ST6GAL1: variants seen among roughly 807,000 people sequenced by gnomAD.
ST6GAL1 encodes the protein beta-galactoside alpha-2,6-sialyltransferase 1.
In ST6GAL1, 20 loss-of-function variants were observed where a neutral mutation model predicts 38.0. The ratio of observed to expected loss-of-function variants is 0.53; its 90% CI spans 0.37 to 0.77. The LOEUF (loss-of-function observed/expected upper bound fraction) is 0.77, where lower values mean the gene tolerates loss of function less well. Ranked by LOEUF, ST6GAL1 falls within the 30% of genes least tolerant of loss-of-function variation. The pLI is 0.00. For synonymous variants in ST6GAL1, 196 were observed against 188.2 expected, an observed-to-expected ratio of 1.04 and a Z score of -0.34; for missense variants, 432 against 496.4, an observed-to-expected ratio of 0.87 and a Z score of 1.23.
intron 5 of ST6GAL1, among the ~76,000 whole-genome samples, chr3:187,059,475 A>G (rs1318441130): frequency 6.6e-6 from 1 of 152,176 alleles, no homozygotes; most frequent in Non-Finnish European, 1.5e-5. Context: ...TCCAGGAGAG[A>G]TGTTCATTTA....
intron 1 of ST6GAL1, among the ~76,000 whole-genome samples, chr3:186,955,936 G>T (rs116250250): frequency 6.6e-6 from 1 of 151,996 alleles, no homozygotes; most frequent in African/African-American, 2.4e-5. Context: ...TCATGATTTC[G>T]CTCTCTGCTT....
At chr3:186,991,732 C>A (rs1716175100) in intron 2 of ST6GAL1, among the ~76,000 whole-genome samples, 1 of 152,168 alleles carries the variant, frequency 6.6e-6, no homozygotes. Context: ...GGGGTGATCC[C>A]TATTCACCTT....
At chr3:186,979,881 C>G (rs189872382) in intron 2 of ST6GAL1, among the ~76,000 whole-genome samples, 1 of 152,156 alleles carries the variant, frequency 6.6e-6, no homozygotes, top group Non-Finnish European at 1.5e-5. Context: ...AGGGATGCAG[C>G]TTTTATAGCA....
chr3:186,950,102 A>C (rs1714526385), intron 1 of ST6GAL1, among the ~76,000 whole-genome samples: 1 of 152,070 alleles, frequency 6.6e-6, no homozygotes. Flanking sequence ...AAGGAAAGCA[A>C]GTTGCACAAG....
intron 2 of ST6GAL1, among the ~76,000 whole-genome samples, chr3:187,000,336 G>A (rs1292630790): frequency 1.3e-5 from 2 of 151,636 alleles, no homozygotes; most frequent in Non-Finnish European, 2.9e-5. Context: ...GATCACCTGA[G>A]GTTAGGAGTT....
At chr3:186,994,827 G>A (rs2108548201) in intron 2 of ST6GAL1, among the ~76,000 whole-genome samples, 1 of 151,776 alleles carries the variant, frequency 6.6e-6, no homozygotes, top group Admixed American at 6.6e-5. Flanking sequence ...TGTAATCTCA[G>A]CTACTTAGGA....
At chr3:187,024,564 C>A (rs2108568010) in intron 2 of ST6GAL1, 1 of 148,544 alleles carries the variant, frequency 6.7e-6, no homozygotes, top group Non-Finnish European at 1.5e-5. Context: ...CTGGGAGAAC[C>A]ATTGAATTTG....
intron 1 of ST6GAL1, among the ~76,000 whole-genome samples, chr3:186,946,180 C>T (rs1398133655): frequency 6.6e-6 from 1 of 151,364 alleles, no homozygotes; most frequent in Non-Finnish European, 1.5e-5. Flanking sequence ...GGCATGGTGG[C>T]GGGCGCCTGT....
chr3:187,020,639 C>T (rs1377368724), intron 2 of ST6GAL1, among the ~76,000 whole-genome samples: 1 of 152,186 alleles, frequency 6.6e-6, no homozygotes. Flanking sequence ...TACTTGCAAC[C>T]CTCTTTTCTC....
intron 2 of ST6GAL1, among the ~76,000 whole-genome samples, chr3:186,969,902 C>T (rs1715288369): frequency 6.6e-6 from 1 of 152,156 alleles, no homozygotes; most frequent in Non-Finnish European, 1.5e-5. Flanking sequence ...GTTGGAACAC[C>T]AGGATTTTGG....
intron 2 of ST6GAL1, among the ~76,000 whole-genome samples, chr3:187,016,798 G>C (rs1717130717): frequency 6.6e-6 from 1 of 152,198 alleles, no homozygotes; most frequent in South Asian, 2.1e-4. Context: ...ATTGCTCAGA[G>C]GGTAGCAGCC....
At chr3:186,932,138 TC>T (rs934276006) in intron 1 of ST6GAL1, among the ~76,000 whole-genome samples, 181 of 94,832 alleles carry the variant, frequency 1.9e-3, no homozygotes, top group Middle Eastern at 0.017. Context: ...GATTAACCTG[TC>T]CCCGGGGGGG....
At chr3:186,942,626 G>T (rs1714218268) in intron 1 of ST6GAL1, among the ~76,000 whole-genome samples, 1 of 152,148 alleles carries the variant, frequency 6.6e-6, no homozygotes, top group Admixed American at 6.5e-5. Flanking sequence ...AAGTGAAGAA[G>T]AATGTTTTGA....
At chr3:187,059,413 T>G (rs564103374) in intron 5 of ST6GAL1, among the ~76,000 whole-genome samples, 2 of 152,214 alleles carry the variant, frequency 1.3e-5, no homozygotes, top group Non-Finnish European at 2.9e-5. Context: ...GAGAGCACTT[T>G]AGGGAGCACT....
chr3:187,001,994 AAT>A (rs1455469077), intron 2 of ST6GAL1, among the ~76,000 whole-genome samples: 1 of 151,630 alleles, frequency 6.6e-6, no homozygotes, highest in Non-Finnish European at 1.5e-5. Flanking sequence ...ACAAACAAAC[AAT>A]GTTTTTAGCT....
chr3:187,051,249 A>G lies in ST6GAL1; in HGVS notation c.608A>G (p.Asp203Gly). ...TTTTCTGTTTCTTTGTGGTTTATAG[A>G]TGATCATGACGCAGTCCTGAGGTTT... ...LKSSQLGREIDDHDAVLRFNG... is the reference protein window; with the variant it reads ...LKSSQLGREIGDHDAVLRFNG... Residue 203 changes from aspartate (D) to glycine (G), a missense_variant and splice_region_variant, in exon 5 of 8, where the codon GAT (aspartate) becomes GGT (glycine). Physicochemically the swap from Asp to Gly is moderately conservative, Grantham distance 94. Transcript: ENST00000169298. 6.2e-7 allele frequency: 1 copy of G among 1,613,684 alleles called. No homozygotes were observed. The highest frequency in any genetic ancestry group is 8.5e-7 in the Non-Finnish European group (1 of 1,179,862).
At chr3:187,034,257 G>C (rs1717853580) in intron 2 of ST6GAL1, among the ~76,000 whole-genome samples, 1 of 152,028 alleles carries the variant, frequency 6.6e-6, no homozygotes, top group Non-Finnish European at 1.5e-5. Flanking sequence ...AATTGAGTCA[G>C]TAATAAAAAA....
intron 5 of ST6GAL1, among the ~76,000 whole-genome samples, chr3:187,067,150 G>C (rs571543388): frequency 7.4e-6 from 1 of 135,076 alleles, no homozygotes; most frequent in African/African-American, 2.8e-5. Flanking sequence ...GCAGTGGTGC[G>C]ATCTTGGCTC....
intron 2 of ST6GAL1, among the ~76,000 whole-genome samples, chr3:187,027,610 C>T (rs1309444583): frequency 2.0e-5 from 3 of 152,074 alleles, no homozygotes; most frequent in East Asian, 3.8e-4. Flanking sequence ...CTTCTTGCCC[C>T]GTCTTCTTTT....
Sources: allele counts gnomAD v4.1 joint callset (sites outside exome capture counted in the v4.1 genomes callset), GRCh38; gene constraint gnomAD v4.1.1; transcripts MANE v1.5; gene names NCBI Gene and HGNC (gene_info 2026-07-23, HGNC 2026-07-21).